KLRG1: variants seen among roughly 807,000 people sequenced by gnomAD.
KLRG1 encodes killer cell lectin like receptor G1.
In KLRG1, 16 loss-of-function variants were observed where a neutral mutation model predicts 21.8. That is an observed-to-expected ratio of 0.73 (90% CI 0.50 to 1.11). The LOEUF is 1.11. KLRG1 is among the 50% of genes most tolerant of loss of function. KLRG1 has a pLI of 0.00. For synonymous variants in KLRG1, 69 were observed against 75.9 expected (o/e 0.91, Z 0.47); for missense variants, 173 against 218.3 (o/e 0.79, Z 1.31).
intron 1 of KLRG1, among the ~76,000 whole-genome samples, chr12:8,954,542 A>G (rs983796829): frequency 7.9e-5 from 12 of 151,878 alleles, no homozygotes; most frequent in African/African-American, 2.9e-4. Flanking sequence ...GTATATTTTT[A>G]AAAAGTTTTG....
chr12:9,203,025 A>G, the KLRG1 span, among the ~76,000 whole-genome samples: 1 of 152,182 alleles, frequency 6.6e-6, no homozygotes, highest in African/African-American at 2.4e-5. Context: ...AAGTTAGGCA[A>G]CTTTAAAGAG....
At chr12:9,026,770 ATATTT>A in the KLRG1 span, among the ~76,000 whole-genome samples, 1 of 151,952 alleles carries the variant, frequency 6.6e-6, no homozygotes, top group Non-Finnish European at 1.5e-5. Context: ...TGTGTTGCAA[ATATTT>A]TATATTATTT....
chr12:9,027,500 C>G, the KLRG1 span: 1 of 1,073,230 alleles, frequency 9.3e-7, no homozygotes, highest in African/African-American at 1.6e-5. Flanking sequence ...CTCTGGCTCT[C>G]TTCTCCTGCT....
the KLRG1 span, chr12:9,128,475 A>C: frequency 6.6e-6 from 1 of 152,524 alleles, no homozygotes; most frequent in Admixed American, 6.5e-5. Context: ...GCCTGCGTTG[A>C]GGCCCAGCTG....
chr12:9,007,052 G>A (rs1461130686), intron 3 of KLRG1, among the ~76,000 whole-genome samples: 1 of 152,162 alleles, frequency 6.6e-6, no homozygotes, highest in Non-Finnish European at 1.5e-5. Context: ...TAGATTATTT[G>A]GGAAGAAAAG....
chr12:9,185,915 C>T, the KLRG1 span, among the ~76,000 whole-genome samples: 2 of 151,452 alleles, frequency 1.3e-5, no homozygotes, highest in Non-Finnish European at 2.9e-5. Flanking sequence ...TCAAACAGTT[C>T]TCCTGCCTCA....
At chr12:9,180,788 A>C in the KLRG1 span, among the ~76,000 whole-genome samples, 1 of 152,246 alleles carries the variant, frequency 6.6e-6, no homozygotes, top group South Asian at 2.1e-4. Flanking sequence ...ACAAAAGACA[A>C]AATTGACAAA....
chr12:9,027,534 C>A, the KLRG1 span: 7 of 1,147,758 alleles, frequency 6.1e-6, no homozygotes, highest in African/African-American at 3.0e-5. Context: ...TAATTAAAAT[C>A]TTCTGCCACT....
chr12:9,154,012 T>C, the KLRG1 span, among the ~76,000 whole-genome samples: 1 of 152,196 alleles, frequency 6.6e-6, no homozygotes, highest in Non-Finnish European at 1.5e-5. Context: ...TAGAAAGGAA[T>C]GAAGAAGCTG....
At chr12:9,164,213 T>G in the KLRG1 span, 2 of 1,611,726 alleles carry the variant, frequency 1.2e-6, no homozygotes, top group African/African-American at 2.7e-5. Flanking sequence ...TCCCTTTGTA[T>G]TTTGGGAAGC....
At chr12:9,022,029 A>G in the KLRG1 span, among the ~76,000 whole-genome samples, 1 of 151,660 alleles carries the variant, frequency 6.6e-6, no homozygotes, top group South Asian at 2.1e-4. Context: ...GGAGGCTGAG[A>G]TGGAAGGATC....
At chr12:9,005,561 T>C (rs1338099891) in intron 3 of KLRG1, among the ~76,000 whole-genome samples, 3 of 152,120 alleles carry the variant, frequency 2.0e-5, no homozygotes, top group African/African-American at 7.2e-5. Context: ...GAACAGACGA[T>C]ACAAGAAGCT....
At chr12:9,145,669 G>A in the KLRG1 span, among the ~76,000 whole-genome samples, 6 of 152,098 alleles carry the variant, frequency 3.9e-5, no homozygotes, top group African/African-American at 1.4e-4. Context: ...TTGTGTTGCT[G>A]TTTAGTGTCC....
At chr12:9,166,056 C>T in the KLRG1 span, 1 of 1,604,384 alleles carries the variant, frequency 6.2e-7, no homozygotes. Flanking sequence ...ACTTACTTCA[C>T]TGCCACCAAC....
chr12:9,147,001 C>T, the KLRG1 span, among the ~76,000 whole-genome samples: 1 of 152,198 alleles, frequency 6.6e-6, no homozygotes, highest in Non-Finnish European at 1.5e-5. Context: ...TTAATGGCAT[C>T]TAGAATTCCA....
the KLRG1 span, chr12:9,089,354 G>C: frequency 1.2e-6 from 1 of 861,084 alleles, no homozygotes; most frequent in East Asian, 2.6e-5. Flanking sequence ...AGAAGGATTT[G>C]AACTGTATTA....
the KLRG1 span, among the ~76,000 whole-genome samples, chr12:9,060,355 T>C: frequency 0.39 from 59,254 of 152,074 alleles, 12,578 homozygotes; most frequent in African/African-American, 0.53. Flanking sequence ...CTTTGCTAAC[T>C]ATTCCTGTGT....
the KLRG1 span, among the ~76,000 whole-genome samples, chr12:9,206,910 T>C: frequency 6.6e-6 from 1 of 152,168 alleles, no homozygotes; most frequent in Non-Finnish European, 1.5e-5. Flanking sequence ...ATCCATTCAG[T>C]CTGCTCTCAG....
chr12:8,988,788 G>T (rs1464880087), upstream of KLRG1, among the ~76,000 whole-genome samples: 2 of 152,008 alleles, frequency 1.3e-5, no homozygotes. Flanking sequence ...CACCATGTTG[G>T]CCAGGCTGGT....
Sources: allele counts gnomAD v4.1 joint callset (sites outside exome capture counted in the v4.1 genomes callset), GRCh38; gene constraint gnomAD v4.1.1; transcripts MANE v1.5; gene names NCBI Gene and HGNC (gene_info 2026-07-23, HGNC 2026-07-21).